SYCE2: variants seen among roughly 807,000 people sequenced by gnomAD.
SYCE2 encodes the protein central element synaptonemal complex 1.
A neutral mutation model predicts 27.9 loss-of-function variants in SYCE2; 3 were observed. That is an observed-to-expected ratio of 0.11 (90% confidence interval 0.05 to 0.28). The LOEUF (loss-of-function observed/expected upper bound fraction) is 0.28. SYCE2 is among the 10% of genes least tolerant of loss of function. SYCE2 has a pLI of 1.00. For synonymous variants in SYCE2, 85 were observed against 100.7 expected (o/e 0.84, Z 0.93); for missense variants, 207 against 263.5 (o/e 0.79, Z 1.48).
rs576424604 is a variant in SYCE2, at chr19:12,898,936, G to A, written c.*405C>T. The A allele has an allele frequency of 2.9e-5, 7 of 245,048 alleles. No homozygotes were observed. The highest frequency in any genetic ancestry group is 1.3e-4 in the African/African-American group (6 of 44,552). 15.2% of individuals were successfully genotyped at this position (245,048 alleles called of 1,614,324 possible). A position where few individuals can be genotyped will look rare whatever the true frequency, so the allele number is the denominator to read the frequency against. On this transcript the variant is annotated 3_prime_UTR_variant, in exon 6 of 6. Coordinates refer to ENST00000293695, the MANE Select transcript of SYCE2 (RefSeq NM_001105578.2). ...GGATTCTCTGGGAGAGGCGGCTTCAGATGGGCAGAGGTCAGCTGAGGCAAG... is the reference window on the plus strand; with the variant it reads ...GGATTCTCTGGGAGAGGCGGCTTCAAATGGGCAGAGGTCAGCTGAGGCAAG...
intron 3 of SYCE2, among the ~76,000 whole-genome samples, chr19:12,904,056 AC>A (rs1329544711): frequency 6.6e-6 from 1 of 152,200 alleles, no homozygotes; most frequent in Non-Finnish European, 1.5e-5. Context: ...TATGGGTGTG[AC>A]AATGCAAGTT....
Position 12,899,347 on chromosome 19 carries a change from T to C in SYCE2, c.651A>G (p.Glu217=), listed in dbSNP as rs368707026. Residue 217 remains glutamate (E), a synonymous_variant, in exon 6 of 6, where the codon GAA becomes GAG. Transcript: ENST00000293695. ...GTGAGTCTCCCGGCAGCTGTCAGCATTCACCATCTCTGTTGGTCTGTACTT... is the reference window on the plus strand; with the variant it reads ...GTGAGTCTCCCGGCAGCTGTCAGCACTCACCATCTCTGTTGGTCTGTACTT... ...ASEVQTNRDG[E]C is the part of the protein sequence containing the mutation. 3.1e-6 allele frequency: 5 copies of C among 1,613,910 alleles called. No individual in the cohort carries two copies. The highest frequency in any genetic ancestry group is 1.3e-5 in the African/African-American group (1 of 74,926).
chr19:12,913,746 G>T (rs1379287230), intron 2 of SYCE2, among the ~76,000 whole-genome samples: 1 of 152,086 alleles, frequency 6.6e-6, no homozygotes, highest in African/African-American at 2.4e-5. Flanking sequence ...GATTTGCAGC[G>T]GTCTGTGTCT....
At chr19:12,909,595 T>C (rs747563414) in intron 2 of SYCE2, among the ~76,000 whole-genome samples, 2 of 152,128 alleles carry the variant, frequency 1.3e-5, no homozygotes, top group Non-Finnish European at 2.9e-5. Context: ...AGATGGAGTT[T>C]CACTCTTATT....
chr19:12,900,203 G>C (rs1447963616), intron 4 of SYCE2, 83 bp from the exon 5 acceptor site: 9 of 1,486,886 alleles, frequency 6.1e-6, no homozygotes, highest in Non-Finnish European at 7.2e-6. Context: ...TGGCAGGGGT[G>C]CAAGGGACTT....
chr19:12,903,283 G>C (rs1407577603), intron 3 of SYCE2, among the ~76,000 whole-genome samples: 2 of 151,482 alleles, frequency 1.3e-5, no homozygotes, highest in Non-Finnish European at 2.9e-5. Flanking sequence ...AGTAGAGACA[G>C]GGTTTCATCA....
intron 2 of SYCE2, among the ~76,000 whole-genome samples, chr19:12,908,888 T>A (rs1161405375): frequency 6.6e-6 from 1 of 152,186 alleles, no homozygotes; most frequent in Non-Finnish European, 1.5e-5. Context: ...ATCACACACT[T>A]GTTCTGCAGT....
intron 2 of SYCE2, among the ~76,000 whole-genome samples, chr19:12,913,089 A>G (rs937001228): frequency 2.6e-5 from 4 of 152,206 alleles, no homozygotes; most frequent in Admixed American, 6.5e-5. Context: ...CAGAGAATGC[A>G]AGTCAGCCCA....
chr19:12,914,440 C>A (rs1490276871), intron 2 of SYCE2, among the ~76,000 whole-genome samples: 1 of 152,012 alleles, frequency 6.6e-6, no homozygotes, highest in African/African-American at 2.4e-5. Context: ...ACATCATGGC[C>A]GGGAAACATC....
At position 12,900,440 on chromosome 19, in the gene SYCE2, C is replaced by T. The variant is rs1306095397; in HGVS notation, c.495+20G>A. 1.9e-6 allele frequency: 3 copies of T among 1,609,108 alleles called. No homozygotes were observed. Among genetic ancestry groups the T allele is most frequent in the East Asian group, 2.2e-5 (1 of 44,822 alleles). ...TGTCCTCTTCCTCAGGCAGCGCCCC[C>T]CCTGTGAGTTTACTCATACCTCAGG... On this transcript the variant is annotated intron_variant, in intron 4 of 5. Transcript: ENST00000293695.
Position 12,899,303 on chromosome 19 carries a change from T to A in SYCE2, c.*38A>T, listed in dbSNP as rs780617569. 4.5e-6 allele frequency: 7 copies of A among 1,559,066 alleles called. No homozygotes were observed. Among genetic ancestry groups the A allele is most frequent in the Non-Finnish European group, 6.2e-6 (7 of 1,129,778 alleles). Reference sequence around the variant, plus strand: ...AAATGGTGGCCTCACAGTCTTCTCCTGGAGACTGTCACTAAGGCGTGAGTC... The same window carrying A: ...AAATGGTGGCCTCACAGTCTTCTCCAGGAGACTGTCACTAAGGCGTGAGTC... On this transcript the variant is annotated 3_prime_UTR_variant, in exon 6 of 6. Transcript: ENST00000293695.
At chr19:12,915,214 T>A (rs1349730793) in intron 2 of SYCE2, among the ~76,000 whole-genome samples, 2 of 152,160 alleles carry the variant, frequency 1.3e-5, no homozygotes, top group African/African-American at 4.8e-5. Flanking sequence ...GGGAGGCCAC[T>A]GTATCTGGCC....
chr19:12,901,811 T>C (rs1018144257), intron 3 of SYCE2, among the ~76,000 whole-genome samples: 1 of 151,996 alleles, frequency 6.6e-6, no homozygotes, highest in African/African-American at 2.4e-5. Flanking sequence ...GAAACGGGGT[T>C]TCACCATGTT....
At position 12,899,289 on chromosome 19, in the gene SYCE2, TCA is replaced by T. The variant is rs1008684561; in HGVS notation, c.*50_*51del. The T allele has an allele frequency of 4.0e-6, 6 of 1,499,688 alleles. No individual in the cohort carries two copies. Among genetic ancestry groups the T allele is most frequent in the Non-Finnish European group, 5.6e-6 (6 of 1,075,830 alleles). 92.9% of individuals were successfully genotyped at this position (1,499,688 alleles called of 1,614,324 possible). The stretch of plus-strand genomic sequence containing the variant: ...TCTCAGTGTGGCCCAAATGGTGGCC[TCA>T]CAGTCTTCTCCTGGAGACTGTCACT... On this transcript the variant is annotated 3_prime_UTR_variant, in exon 6 of 6. Transcript: ENST00000293695.
chr19:12,900,244 A>G (rs1599624949), intron 4 of SYCE2, 124 bp from the exon 5 acceptor site: 1 of 1,242,304 alleles, frequency 8.0e-7, no homozygotes, highest in Non-Finnish European at 1.1e-6. Context: ...AGCTGCTCAT[A>G]CAACAGTGGG....
At chr19:12,907,560 G>A (rs1047186294) in intron 2 of SYCE2, among the ~76,000 whole-genome samples, 11 of 152,302 alleles carry the variant, frequency 7.2e-5, no homozygotes, top group South Asian at 2.1e-4. Flanking sequence ...GGAGGCCGAG[G>A]CGGGTAGATC....
chr19:12,918,331 C>T lies in SYCE2; in HGVS notation c.22G>A (p.Val8Met), dbSNP rs767495412. Residue 8 changes from valine to methionine, a missense_variant, in exon 2 of 6, where the codon GTG (valine) becomes ATG (methionine). Transcript: ENST00000293695. ...TGGTCTTTGCATTTCACATGGGGCACGTCCACCTGCAAGCACAGTCAGGAC... is the reference window on the plus strand; with the variant it reads ...TGGTCTTTGCATTTCACATGGGGCATGTCCACCTGCAAGCACAGTCAGGAC... MERQGVD[V>M]PHVKCKDQEP... 32 of 1,613,936 alleles carry T rather than the reference C, an allele frequency of 2.0e-5. No homozygotes were observed. Among genetic ancestry groups the T allele is most frequent in the African/African-American group, 4.0e-5 (3 of 74,932 alleles).
chr19:12,918,254 G>C lies in SYCE2; in HGVS notation c.99C>G (p.Asn33Lys). The change falls in exon 2 of 6, where the codon AAC becomes AAG. Residue 33 changes from asparagine to lysine, a missense_variant. Asn to Lys is a moderately conservative substitution (Grantham distance 94). Transcript: ENST00000293695. Reference sequence around the variant, plus strand: ...GCCCTCCACCAGCTTCCTCCTCGCAGTTCTCTTCCCACCGCGGATGCTCCT... The same window carrying C: ...GCCCTCCACCAGCTTCCTCCTCGCACTTCTCTTCCCACCGCGGATGCTCCT... ...ESKEHPRWEE[N>K]CEEEAGGGPA... is the part of the protein sequence containing the mutation. 1 of 1,614,186 alleles carries C rather than the reference G, an allele frequency of 6.2e-7. No homozygotes were observed. The highest frequency in any genetic ancestry group is 8.5e-7 in the Non-Finnish European group (1 of 1,180,024).
intron 2 of SYCE2, among the ~76,000 whole-genome samples, chr19:12,908,616 G>A (rs568251946): frequency 1.3e-5 from 2 of 152,136 alleles, no homozygotes; most frequent in Admixed American, 6.6e-5. Context: ...GAGCCACCGC[G>A]CCCGGCCATC....
Sources: allele counts gnomAD v4.1 joint callset (sites outside exome capture counted in the v4.1 genomes callset), GRCh38; gene constraint gnomAD v4.1.1; transcripts MANE v1.5; gene names NCBI Gene and HGNC (gene_info 2026-07-23, HGNC 2026-07-21).